Variants in GABRB1 observed in about 807,000 individuals in gnomAD.
GABRB1 encodes gamma-aminobutyric acid receptor subunit beta-1.
Under a neutral mutation model 51.6 loss-of-function variants are expected in GABRB1, and 17 were observed. The ratio of observed to expected loss-of-function variants is 0.33; its 90% CI spans 0.23 to 0.49. The LOEUF is 0.49. Ranked by LOEUF, GABRB1 falls within the 20% of genes least tolerant of loss-of-function variation. The pLI is 0.99. For synonymous variants in GABRB1, 247 were observed against 218.9 expected, an observed-to-expected ratio of 1.13 and a Z score of -1.14; for missense variants, 410 against 600.6, an observed-to-expected ratio of 0.68 and a Z score of 3.32.
At chr4:47,042,312 G>T (rs961898953) in intron 3 of GABRB1, among the ~76,000 whole-genome samples, 1 of 149,294 alleles carries the variant, frequency 6.7e-6, no homozygotes, top group African/African-American at 2.4e-5. Flanking sequence ...CATAGAAACA[G>T]CTTCATCACA....
rs570298717 is a variant in GABRB1 at position 47,287,320 on chromosome 4, T to C, written c.462-32807T>C. On this transcript the variant is annotated intron_variant, in intron 4 of 8. Transcript: ENST00000295454. ...TAATTTTGTCCATGAGCCTTTCTGT[T>C]CTATGGTGCTATGGGAAGTTTGCAT... 2.0e-5 allele frequency among the ~76,000 whole-genome samples: 3 copies of C among 152,330 alleles called. No individual in the cohort carries two copies. In the South Asian group the frequency reaches 6.2e-4, roughly 32 times the overall value.
chr4:47,083,175 C>A (rs1262997845), intron 3 of GABRB1, among the ~76,000 whole-genome samples: 1 of 152,046 alleles, frequency 6.6e-6, no homozygotes, highest in Non-Finnish European at 1.5e-5. Flanking sequence ...TTTAGGAGAC[C>A]TTTAGTCTTG....
intron 3 of GABRB1, among the ~76,000 whole-genome samples, chr4:47,119,720 G>T (rs1560543311): frequency 6.6e-6 from 1 of 152,010 alleles, no homozygotes; most frequent in African/African-American, 2.4e-5. Flanking sequence ...TGTTGGTCAG[G>T]CTGGTCTTGA....
chr4:47,287,198 C>T (rs547360603), intron 4 of GABRB1, among the ~76,000 whole-genome samples: 1 of 152,260 alleles, frequency 6.6e-6, no homozygotes, highest in South Asian at 2.1e-4. Context: ...GGTTCTTATA[C>T]CAGGTTGCAC....
chr4:47,096,915 G>A (rs1714467453), intron 3 of GABRB1, among the ~76,000 whole-genome samples: 1 of 152,154 alleles, frequency 6.6e-6, no homozygotes, highest in Non-Finnish European at 1.5e-5. Flanking sequence ...TTACTCCAGT[G>A]AGACATCTAA....
chr4:47,055,642 T>TGC (rs1726560435), intron 3 of GABRB1, among the ~76,000 whole-genome samples: 1 of 152,162 alleles, frequency 6.6e-6, no homozygotes, highest in Non-Finnish European at 1.5e-5. Flanking sequence ...TGGGCTTTAT[T>TGC]TCTAGGGCCC....
At chr4:47,181,601 G>A (rs905987714) in intron 4 of GABRB1, among the ~76,000 whole-genome samples, 2 of 152,018 alleles carry the variant, frequency 1.3e-5, no homozygotes, top group African/African-American at 2.4e-5. Flanking sequence ...CCATAAGAGG[G>A]CAAAAATAGT....
rs184616730 is a variant in GABRB1 at position 47,087,832 on chromosome 4, T to C, written c.240+55348T>C. Among the ~76,000 whole-genome samples the C allele has an allele frequency of 1.3e-3, 191 of 152,252 alleles. 1 individual carries two copies. The highest frequency in any genetic ancestry group is 4.3e-3 in the African/African-American group (180 of 41,548). On this transcript the variant is annotated intron_variant, in intron 3 of 8. Coordinates refer to ENST00000295454, the MANE Select transcript of GABRB1 (RefSeq NM_000812.4). ...ATAATATAATCTAACTGTTGGATTATTTGAGGAAATAATGAGTATATGTGT... is the reference window on the plus strand; with the variant it reads ...ATAATATAATCTAACTGTTGGATTACTTGAGGAAATAATGAGTATATGTGT...
chr4:47,274,967 CT>C (rs1723025095), intron 4 of GABRB1, among the ~76,000 whole-genome samples: 4 of 152,158 alleles, frequency 2.6e-5, no homozygotes, highest in Non-Finnish European at 2.9e-5. Flanking sequence ...TAGATTAAAT[CT>C]GTTTTCAAAT....
At chr4:47,131,554 A>T (rs763352277) in intron 3 of GABRB1, among the ~76,000 whole-genome samples, 1 of 152,164 alleles carries the variant, frequency 6.6e-6, no homozygotes, top group Non-Finnish European at 1.5e-5. Context: ...AATAATGGCC[A>T]AAACTGCAAT....
rs573915746 is a variant in GABRB1 at position 47,164,883 on chromosome 4, C to T, written c.461+3414C>T. On this transcript the variant is annotated intron_variant, in intron 4 of 8. Coordinates refer to ENST00000295454, the MANE Select transcript of GABRB1 (RefSeq NM_000812.4). Reference sequence around the variant, plus strand: ...GCTACTATGCAACAGATATTCGGCCCTTGGGAGAGACTTCATTCCTTGTGC... The same window carrying T: ...GCTACTATGCAACAGATATTCGGCCTTTGGGAGAGACTTCATTCCTTGTGC... 8.6e-4 allele frequency among the ~76,000 whole-genome samples: 131 copies of T among 152,068 alleles called. 1 individual carries two copies. Among genetic ancestry groups the T allele is most frequent in the Admixed American group, 2.8e-3 (43 of 15,238 alleles).
chr4:47,105,194 C>G (rs1301809575), intron 3 of GABRB1, among the ~76,000 whole-genome samples: 1 of 152,026 alleles, frequency 6.6e-6, no homozygotes, highest in African/African-American at 2.4e-5. Flanking sequence ...CTAGTCTTAC[C>G]TCACATTTAG....
intron 4 of GABRB1, among the ~76,000 whole-genome samples, chr4:47,252,484 A>G (rs1018608336): frequency 1.3e-4 from 19 of 149,840 alleles, no homozygotes; most frequent in African/African-American, 4.7e-4. Flanking sequence ...TTGACTATCT[A>G]AGAAACCATT....
intron 3 of GABRB1, among the ~76,000 whole-genome samples, chr4:47,076,695 C>T (rs991191230): frequency 5.9e-5 from 9 of 152,138 alleles, no homozygotes; most frequent in African/African-American, 2.2e-4. Flanking sequence ...ACCTGATAGG[C>T]CTAACTCTGT....
chr4:47,122,288 G>T, intron 3 of GABRB1, among the ~76,000 whole-genome samples: 1 of 152,040 alleles, frequency 6.6e-6, no homozygotes, highest in Non-Finnish European at 1.5e-5. Flanking sequence ...AATTTGTTCT[G>T]GGTGAAATAA....
At chr4:47,007,715 A>G (rs770738011) in intron 1 of GABRB1, among the ~76,000 whole-genome samples, 1 of 152,044 alleles carries the variant, frequency 6.6e-6, no homozygotes, top group Non-Finnish European at 1.5e-5. Context: ...CAATAGCAAT[A>G]GATAACCAGA....
At chr4:47,177,313 T>G (rs1471359083) in intron 4 of GABRB1, among the ~76,000 whole-genome samples, 1 of 152,168 alleles carries the variant, frequency 6.6e-6, no homozygotes, top group Admixed American at 6.6e-5. Context: ...TTAAGTAATA[T>G]TTGAGAAACC....
intron 4 of GABRB1, among the ~76,000 whole-genome samples, chr4:47,239,060 G>T (rs937144265): frequency 5.9e-5 from 9 of 151,936 alleles, no homozygotes; most frequent in African/African-American, 2.2e-4. Flanking sequence ...CTTTTATGAT[G>T]TATTTTTTTA....
At chr4:47,054,260 G>A (rs1231460610) in intron 3 of GABRB1, among the ~76,000 whole-genome samples, 2 of 152,066 alleles carry the variant, frequency 1.3e-5, no homozygotes, top group Non-Finnish European at 2.9e-5. Flanking sequence ...AGAGAAGGGA[G>A]ACCAGGAGAA....
Sources: allele counts gnomAD v4.1 joint callset (sites outside exome capture counted in the v4.1 genomes callset), GRCh38; gene constraint gnomAD v4.1.1; transcripts MANE v1.5; gene names NCBI Gene and HGNC (gene_info 2026-07-23, HGNC 2026-07-21).